The following LRRFIP1 variants were observed in gnomAD, a reference collection of about 807,000 sequenced individuals.
The protein encoded by LRRFIP1 is leucine-rich repeat flightless-interacting protein 1.
LRRFIP1 carries 62 observed loss-of-function variants against 104.4 expected under a neutral mutation model. That is an observed-to-expected ratio of 0.59 (90% CI 0.48 to 0.73). LRRFIP1 has a LOEUF of 0.73. Among genes scored for constraint, LRRFIP1 ranks in the 30% least tolerant of loss-of-function variants. LRRFIP1 has a pLI of 0.00. For missense variants in LRRFIP1, 796 were observed against 824.5 expected (o/e 0.97, Z 0.42); for synonymous variants, 300 against 299.0 (o/e 1.00, Z -0.03).
At chr2:237,739,111 G>A (rs1025404404) in intron 10 of LRRFIP1, 121 bp from the exon 11 acceptor site, 1 of 752,210 alleles carries the variant, frequency 1.3e-6, no homozygotes, top group Non-Finnish European at 2.2e-6. Context: ...TCCTTGCCGT[G>A]CGTGGCTAAC....
At chr2:237,643,364 G>A (rs750497247) in intron 1 of LRRFIP1, among the ~76,000 whole-genome samples, 4 of 152,186 alleles carry the variant, frequency 2.6e-5, no homozygotes, top group Admixed American at 6.5e-5. Flanking sequence ...ACACACCCCC[G>A]GACGATTCTG....
chr2:237,773,935 T>G (rs1576443271), intron 22 of LRRFIP1: 1 of 161,712 alleles, frequency 6.2e-6, no homozygotes, highest in Non-Finnish European at 1.4e-5. Context: ...CGAAGCCGCC[T>G]CCTTTCACTC....
chr2:237,699,346 CTTTT>C (rs575247425), intron 1 of LRRFIP1, among the ~76,000 whole-genome samples: 1 of 138,898 alleles, frequency 7.2e-6, no homozygotes. Context: ...TTTTTCTTTT[CTTTT>C]TTTTTTTTTT....
At chr2:237,754,624 A>G (rs2059052589) in intron 15 of LRRFIP1, among the ~76,000 whole-genome samples, 1 of 152,236 alleles carries the variant, frequency 6.6e-6, no homozygotes, top group Non-Finnish European at 1.5e-5. Flanking sequence ...GGTTAAAACC[A>G]AGGTACCCTT....
intron 2 of LRRFIP1, among the ~76,000 whole-genome samples, chr2:237,710,967 A>G (rs764352435): frequency 6.6e-6 from 1 of 152,230 alleles, no homozygotes; most frequent in Non-Finnish European, 1.5e-5. Context: ...ACACTGAGGC[A>G]GGAGCATTGC....
rs552540050 is a variant in LRRFIP1, at chr2:237,661,419, A to C, written c.96+33679A>C. On this transcript the variant is annotated intron_variant, in intron 1 of 23. Transcript: ENST00000308482. This position sits in a 1 kb window ranked among gnomAD's most constrained non-coding sequence, Gnocchi z 4.4. ...GCCCTCTGATGCTCCCAGACAGTGG[A>C]AACTTTTTGTTCCCCAAAGCCCTCC... Among the ~76,000 whole-genome samples the C allele has an allele frequency of 1.8e-4, 27 of 152,188 alleles. No individual in the cohort carries two copies. Among genetic ancestry groups the C allele is most frequent in the African/African-American group, 5.8e-4 (24 of 41,516 alleles).
At chr2:237,774,110 G>A in intron 22 of LRRFIP1, 1 of 464,766 alleles carries the variant, frequency 2.2e-6, no homozygotes, top group South Asian at 2.6e-5. Context: ...CAGCACTGCA[G>A]AAACCACCCT....
chr2:237,753,825 T>G (rs1188466129), intron 15 of LRRFIP1, among the ~76,000 whole-genome samples: 1 of 130,064 alleles, frequency 7.7e-6, no homozygotes, highest in Non-Finnish European at 1.6e-5. Flanking sequence ...TGGTAGGGTG[T>G]GTGTGTGTGT....
At chr2:237,630,732 A>T (rs560924698) in intron 1 of LRRFIP1, among the ~76,000 whole-genome samples, 2 of 152,310 alleles carry the variant, frequency 1.3e-5, no homozygotes, top group Admixed American at 1.3e-4. Context: ...GCAGGGCAGG[A>T]TTCCCCGCCA....
chr2:237,707,425 G>A (rs974398737), intron 1 of LRRFIP1, among the ~76,000 whole-genome samples: 5 of 148,450 alleles, frequency 3.4e-5, no homozygotes, highest in African/African-American at 5.0e-5. Flanking sequence ...ACTTCAGCCT[G>A]GGCAACAGAA....
At chr2:237,692,429 C>A in intron 1 of LRRFIP1, 1 of 1,493,876 alleles carries the variant, frequency 6.7e-7, no homozygotes, top group South Asian at 1.3e-5. Context: ...CATTTCCCGC[C>A]GGGTGGAGCG....
At chr2:237,692,548 T>A (rs1239041358) in intron 1 of LRRFIP1, 11 of 1,497,668 alleles carry the variant, frequency 7.3e-6, no homozygotes, top group Admixed American at 2.2e-5. Flanking sequence ...TCCGAAACTT[T>A]CTTTCGTGAC....
At chr2:237,639,147 G>A (rs142109810) in intron 1 of LRRFIP1, among the ~76,000 whole-genome samples, 62 of 152,316 alleles carry the variant, frequency 4.1e-4, no homozygotes, top group African/African-American at 1.5e-3. Flanking sequence ...AGGTGGCTGT[G>A]GTTAGCTCTA....
intron 1 of LRRFIP1, among the ~76,000 whole-genome samples, chr2:237,687,944 C>G (rs2092493725): frequency 6.6e-6 from 1 of 152,170 alleles, no homozygotes; most frequent in Admixed American, 6.5e-5. Context: ...CAAAGTAAAC[C>G]ATGTTTGGGT....
chr2:237,692,577 G>A, intron 1 of LRRFIP1: 1 of 1,460,428 alleles, frequency 6.8e-7, no homozygotes, highest in South Asian at 1.3e-5. Flanking sequence ...GGTTTCAGGG[G>A]CTTCCAGCTC....
intron 1 of LRRFIP1, among the ~76,000 whole-genome samples, chr2:237,650,337 G>A (rs1475361205): frequency 6.6e-6 from 1 of 151,962 alleles, no homozygotes; most frequent in Non-Finnish European, 1.5e-5. Flanking sequence ...AAATGAGGGA[G>A]GGGAGACAGC....
rs1005854452 is a variant in LRRFIP1 at position 237,661,590 on chromosome 2, T to G, written c.96+33850T>G. 1.3e-5 allele frequency among the ~76,000 whole-genome samples: 2 copies of G among 152,222 alleles called. No homozygotes were observed. The highest frequency in any genetic ancestry group is 6.5e-5 in the Admixed American group (1 of 15,278). On this transcript the variant is annotated intron_variant, in intron 1 of 23. Coordinates refer to ENST00000308482, the MANE Select transcript of LRRFIP1 (RefSeq NM_001137550.2). This position sits in a 1 kb window ranked among gnomAD's most constrained non-coding sequence, Gnocchi z 4.4. ...CTATGTGCATCTCTGTCCTCATCCATGAAACCATCCTTGTCCTCACTGTCG... is the reference window on the plus strand; with the variant it reads ...CTATGTGCATCTCTGTCCTCATCCAGGAAACCATCCTTGTCCTCACTGTCG...
chr2:237,739,406 T>G (rs895210665), intron 11 of LRRFIP1, 97 bp downstream of exon 11: 1 of 1,021,466 alleles, frequency 9.8e-7, no homozygotes, highest in Non-Finnish European at 1.4e-6. Flanking sequence ...AGAATATTAC[T>G]CTGCGGTGAT....
rs2095232281 is a variant in LRRFIP1 at position 237,735,970 on chromosome 2, T to C, written c.555+637T>C. Among the ~76,000 whole-genome samples, 2 of 152,196 alleles carry C rather than the reference T, an allele frequency of 1.3e-5. No homozygotes were observed. The highest frequency in any genetic ancestry group is 2.9e-5 in the Non-Finnish European group (2 of 68,020). Reference sequence around the variant, plus strand: ...AGTGCTAACCGGTGCTCCCTGGCGGTGGATCTCCTGTATTCAGAGGCTCCT... The same window carrying C: ...AGTGCTAACCGGTGCTCCCTGGCGGCGGATCTCCTGTATTCAGAGGCTCCT... On this transcript the variant is annotated intron_variant, in intron 10 of 23. Transcript: ENST00000308482. This position sits in a 1 kb window ranked among gnomAD's most constrained non-coding sequence, Gnocchi z 4.6.
Sources: allele counts gnomAD v4.1 joint callset (sites outside exome capture counted in the v4.1 genomes callset), GRCh38; gene constraint gnomAD v4.1.1; non-coding constraint Gnocchi (gnomAD v3.1); transcripts MANE v1.5; gene names NCBI Gene and HGNC (gene_info 2026-07-23, HGNC 2026-07-21).